RPTOR: variants seen among roughly 807,000 people sequenced by gnomAD.
RPTOR encodes regulatory-associated protein of mTOR.
In RPTOR, 21 loss-of-function variants were observed where a neutral mutation model predicts 169.9. The observed-to-expected ratio is 0.12, with a 90% CI of 0.09 to 0.18. The LOEUF is 0.18. Ranked by LOEUF, RPTOR falls within the 10% of genes least tolerant of loss-of-function variation. RPTOR has a pLI of 1.00. For missense variants in RPTOR, 1,133 were observed against 1,855.9 expected (o/e 0.61, Z 7.16); for synonymous variants, 732 against 753.2 (o/e 0.97, Z 0.46).
chr17:80,772,563 C>T (rs4969404), intron 6 of RPTOR, among the ~76,000 whole-genome samples: 49,145 of 138,898 alleles, frequency 0.35, 9,951 homozygotes, highest in East Asian at 0.55. Flanking sequence ...ACCCTCCCCG[C>T]CCTTGTCTGG....
chr17:80,923,406 G>A, intron 22 of RPTOR, 84 bp from the exon 23 acceptor site: 1 of 1,501,666 alleles, frequency 6.7e-7, no homozygotes, highest in Non-Finnish European at 9.2e-7. Context: ...GAGGGTGCAG[G>A]TGGCCCAGGA....
chr17:80,937,750 G>A (rs955025834), intron 24 of RPTOR, among the ~76,000 whole-genome samples: 4 of 152,210 alleles, frequency 2.6e-5, no homozygotes, highest in African/African-American at 9.6e-5. Flanking sequence ...GAGCTGCGGT[G>A]TCATTTGCTG....
chr17:80,592,490 A>G (rs1320157027), intron 1 of RPTOR, among the ~76,000 whole-genome samples: 1 of 152,128 alleles, frequency 6.6e-6, no homozygotes, highest in Non-Finnish European at 1.5e-5. Flanking sequence ...ATTTGTGTGC[A>G]TCTGGGAAGG....
intron 1 of RPTOR, among the ~76,000 whole-genome samples, chr17:80,624,497 T>A (rs574063661): frequency 1.3e-5 from 2 of 152,306 alleles, no homozygotes; most frequent in East Asian, 1.9e-4. Context: ...TTCCAAGTAT[T>A]ATGAAATATA....
chr17:80,847,374 A>G (rs1295357270), intron 11 of RPTOR, among the ~76,000 whole-genome samples: 1 of 152,224 alleles, frequency 6.6e-6, no homozygotes, highest in Non-Finnish European at 1.5e-5. Flanking sequence ...GTGAAGTTAG[A>G]AAGATTCCAC....
intron 21 of RPTOR, among the ~76,000 whole-genome samples, chr17:80,918,253 C>T (rs1437398666): frequency 6.6e-6 from 1 of 152,222 alleles, no homozygotes; most frequent in Non-Finnish European, 1.5e-5. Flanking sequence ...GGCCCCTGCC[C>T]AGCTAGAGCA....
intron 6 of RPTOR, among the ~76,000 whole-genome samples, chr17:80,785,938 C>T (rs916905135): frequency 2.0e-5 from 3 of 152,184 alleles, no homozygotes; most frequent in Non-Finnish European, 4.4e-5. Context: ...ATCGTGTGTT[C>T]ACCTTCTAAC....
chr17:80,742,890 G>A (rs1000231727), intron 5 of RPTOR, among the ~76,000 whole-genome samples: 1 of 151,534 alleles, frequency 6.6e-6, no homozygotes, highest in Non-Finnish European at 1.5e-5. Context: ...ATACACACAT[G>A]CACACATACA....
chr17:80,879,276 C>T (rs11150755), intron 13 of RPTOR, among the ~76,000 whole-genome samples: 33,757 of 151,300 alleles, frequency 0.22, 3,999 homozygotes, highest in East Asian at 0.37. Flanking sequence ...CTGTCTGACC[C>T]GTAGCCCACC....
intron 17 of RPTOR, among the ~76,000 whole-genome samples, chr17:80,887,482 G>T (rs1307400697): frequency 6.6e-6 from 1 of 152,176 alleles, no homozygotes; most frequent in Non-Finnish European, 1.5e-5. Flanking sequence ...ACCATGGGCA[G>T]GCACGGTGCT....
Position 80,708,136 on chromosome 17 carries a change from A to G in RPTOR, c.507+137A>G. On this transcript the variant is annotated intron_variant, in intron 4 of 33. Coordinates refer to ENST00000306801, the MANE Select transcript of RPTOR (RefSeq NM_020761.3). The surrounding 1 kb of genome is among the most constrained non-coding windows in gnomAD (Gnocchi z 4.2). The stretch of plus-strand genomic sequence containing the variant: ...GTGTTTCAACAAACCCAAATGCCAT[A>G]ACTGAACGGACCAGGTAGTCAGGCA... The G allele has an allele frequency of 2.4e-6, 2 of 832,982 alleles. No homozygotes were observed. Among genetic ancestry groups the G allele is most frequent in the Admixed American group, 2.8e-5 (1 of 35,680 alleles). The allele number at this position is 832,982 out of a possible 1,614,324, so 51.6% of individuals were successfully genotyped here. A position where few individuals can be genotyped will look rare whatever the true frequency, so the allele number is the denominator to read the frequency against.
In RPTOR at chr17:80,964,977, G is replaced by A. The variant is rs780909224; in HGVS notation, c.*647G>A. 4.3e-6 allele frequency: 1 copy of A among 233,534 alleles called. No homozygotes were observed. The highest frequency in any genetic ancestry group is 8.5e-6 in the Non-Finnish European group (1 of 118,234). 14.5% of individuals were successfully genotyped at this position (233,534 alleles called of 1,614,324 possible). ...CCTTGGCCGCTGGCAGCATCACTGA[G>A]CAGGAAGCGCACAGCCCACCCTCCC... is the stretch of plus-strand genomic sequence containing the variant. On this transcript the variant is annotated 3_prime_UTR_variant, in exon 34 of 34. Transcript: ENST00000306801.
rs554845828 is a variant in RPTOR at position 80,709,282 on chromosome 17, C to T, written c.507+1283C>T. Among the ~76,000 whole-genome samples the T allele has an allele frequency of 5.9e-5, 9 of 152,322 alleles. No homozygotes were observed. In the South Asian group the frequency reaches 1.7e-3, roughly 28 times the overall value. On this transcript the variant is annotated intron_variant, in intron 4 of 33. Coordinates refer to ENST00000306801, the MANE Select transcript of RPTOR (RefSeq NM_020761.3). ...AAGCAGGATGTAATGAACCACCAGG[C>T]GTGCACCACAGGCCCCTGGCGTGTC...
chr17:80,881,617 G>A (rs1472759830), intron 14 of RPTOR, among the ~76,000 whole-genome samples: 1 of 152,188 alleles, frequency 6.6e-6, no homozygotes, highest in African/African-American at 2.4e-5. Flanking sequence ...TCGGGAGTTC[G>A]AGACCAGCCT....
At chr17:80,898,980 G>A (rs2143899791) in intron 20 of RPTOR, among the ~76,000 whole-genome samples, 1 of 152,060 alleles carries the variant, frequency 6.6e-6, no homozygotes, top group East Asian at 1.9e-4. Context: ...GCCAGCTGCT[G>A]CCTTGAGCAC....
chr17:80,703,040 G>A (rs1173489338), intron 3 of RPTOR, among the ~76,000 whole-genome samples: 1 of 152,192 alleles, frequency 6.6e-6, no homozygotes, highest in Non-Finnish European at 1.5e-5. Flanking sequence ...CCTGCAGATC[G>A]ATGGGCCCGT....
At chr17:80,940,445 G>T (rs17848659) in intron 24 of RPTOR, 51 bp from the exon 25 acceptor site, 523,845 of 1,513,934 alleles carry the variant, frequency 0.35, 91,799 homozygotes, top group East Asian at 0.49. Context: ...GATACCAAGA[G>T]ACAACCCTGT....
rs141423884 is a variant in RPTOR, at chr17:80,559,577, G to A, written c.162+13786G>A. Among the ~76,000 whole-genome samples the A allele has an allele frequency of 1.6e-3, 251 of 152,332 alleles. 2 individuals carry two copies. The highest frequency in any genetic ancestry group is 5.7e-3 in the African/African-American group (237 of 41,576). On this transcript the variant is annotated intron_variant, in intron 1 of 33. Coordinates refer to ENST00000306801, the MANE Select transcript of RPTOR (RefSeq NM_020761.3). Reference sequence around the variant, plus strand: ...GCCCTTGGTGTGGCATGCGTCTCCCGTTGGTTGGCCCTCTGAGCAGGAGAG... The same window carrying A: ...GCCCTTGGTGTGGCATGCGTCTCCCATTGGTTGGCCCTCTGAGCAGGAGAG...
intron 4 of RPTOR, chr17:80,709,243 A>T: frequency 9.5e-6 from 3 of 314,998 alleles, no homozygotes; most frequent in Non-Finnish European, 1.4e-5. Flanking sequence ...TTGTGAAGGA[A>T]GTAGGATTTA....
Sources: gnomAD v4.1 joint callset for allele counts (sites outside exome capture counted in the v4.1 genomes callset) on GRCh38, gnomAD v4.1.1 for gene constraint, Gnocchi (gnomAD v3.1) non-coding constraint, MANE v1.5 for transcripts, NCBI Gene and HGNC (gene_info 2026-07-23, HGNC 2026-07-21) for gene names.